Variants in USP19 observed in about 807,000 individuals in gnomAD.
USP19 encodes the protein ubiquitin carboxyl-terminal hydrolase 19.
In USP19, 40 loss-of-function variants were observed where a neutral mutation model predicts 144.8. The ratio of observed to expected loss-of-function variants is 0.28; its 90% confidence interval spans 0.21 to 0.36. USP19 has a LOEUF of 0.36. USP19 is among the 10% of genes least tolerant of loss of function. The pLI, the probability that USP19 is intolerant of heterozygous loss-of-function variation, is 1.00. For missense variants in USP19, 1,518 were observed against 1,822.5 expected, an observed-to-expected ratio of 0.83 and a Z score of 3.04; for synonymous variants, 701 against 709.3, an observed-to-expected ratio of 0.99 and a Z score of 0.19.
Position 49,116,755 on chromosome 3 carries a change from C to T in USP19, c.1098G>A (p.Val366=), listed in dbSNP as rs375999085. 6.2e-7 allele frequency: 1 copy of T among 1,612,532 alleles called. No individual in the cohort carries two copies. Among genetic ancestry groups the T allele is most frequent in the Admixed American group, 1.7e-5 (1 of 59,932 alleles). The change falls in exon 7 of 27, where the codon GTG becomes GTA. Residue 366 remains valine, a synonymous_variant. Coordinates refer to ENST00000417901, the MANE Select transcript of USP19 (RefSeq NM_001199161.2). The surrounding 1 kb of genome is among the most constrained non-coding windows in gnomAD (Gnocchi z 5.0). ...CCACCAAGGTTGCAGCATCTGCTGC[C>T]ACTGCCATCTCCTCCTTGGCACAGT... The part of the protein sequence containing the change: ...KDDCAKEEMA[V]AADAATLVDE...
rs769513065 is a variant in USP19, at chr3:49,114,016, C to G, written c.2481G>C (p.Lys827Asn). The change falls in exon 17 of 27, where the codon AAG becomes AAC. Residue 827 changes from lysine (K) to asparagine (N), a missense_variant. Physicochemically the swap from Lys to Asn is moderately conservative, Grantham distance 94 (BLOSUM62 0). Coordinates refer to ENST00000417901, the MANE Select transcript of USP19 (RefSeq NM_001199161.2). This position sits in a 1 kb window ranked among gnomAD's most constrained non-coding sequence, Gnocchi z 4.5. The stretch of plus-strand genomic sequence containing the variant: ...CCTCCGCCAAACGCAGGTTCTCAGG[C>G]TTCACATGAACACTCTGAGAGAGGG... Reference protein sequence around the residue: ...LDSLSQSVHVKPENLRLAEVI... With the variant: ...LDSLSQSVHVNPENLRLAEVI... 1 of 1,614,228 alleles carries G rather than the reference C, an allele frequency of 6.2e-7. No homozygotes were observed. The highest frequency in any genetic ancestry group is 8.5e-7 in the Non-Finnish European group (1 of 1,180,048).
rs772987990 is a variant in USP19, at chr3:49,111,489, C to T, written c.3217+11G>A. ...CCTCCCCAGCTTCTAGAGCCTTTCACTGGATCTTACCTTCGGGTCGGGACA... is the reference window on the plus strand; with the variant it reads ...CCTCCCCAGCTTCTAGAGCCTTTCATTGGATCTTACCTTCGGGTCGGGACA... On this transcript the variant is annotated intron_variant, in intron 21 of 26. Coordinates refer to ENST00000417901, the MANE Select transcript of USP19 (RefSeq NM_001199161.2). This position sits in a 1 kb window ranked among gnomAD's most constrained non-coding sequence, Gnocchi z 5.9. 1.2e-6 allele frequency: 2 copies of T among 1,611,630 alleles called. No homozygotes were observed. The highest frequency in any genetic ancestry group is 2.2e-5 in the South Asian group (2 of 91,008).
In USP19 at chr3:49,116,478, T is replaced by C. The variant is rs775983486; in HGVS notation, c.1256A>G (p.Gln419Arg). 6.2e-7 allele frequency: 1 copy of C among 1,614,230 alleles called. No individual in the cohort carries two copies. The highest frequency in any genetic ancestry group is 1.1e-5 in the South Asian group (1 of 91,088). ...GGTCTGGAAGATGAGCGTGAAGTCC[T>C]GCTCACGGAAAAGTACTCTTGAGGT... The part of the protein sequence containing the change: ...RDTSRVLFRE[Q>R]DFTLIFQTRD... The change falls in exon 8 of 27, where the codon CAG becomes CGG. Residue 419 changes from glutamine to arginine, a missense_variant. Around this residue, in one of 5 missense-constraint regions of USP19, gnomAD observed 707 missense variants for 728.9 expected, o/e 0.97. Transcript: ENST00000417901. This position sits in a 1 kb window ranked among gnomAD's most constrained non-coding sequence, Gnocchi z 5.0.
At position 49,111,182 on chromosome 3, in the gene USP19, G is replaced by A. The variant is rs897631090; in HGVS notation, c.3329-16C>T. 3 of 1,613,892 alleles carry A rather than the reference G, an allele frequency of 1.9e-6. No homozygotes were observed. The African/African-American group carries it at 4.0e-5, about 22-fold the overall frequency. On this transcript the variant is annotated splice_polypyrimidine_tract_variant and intron_variant, in intron 22 of 26. Transcript: ENST00000417901. This position sits in a 1 kb window ranked among gnomAD's most constrained non-coding sequence, Gnocchi z 5.9. ...GGGGTGTCTCCTGGAGATTCGCAGG[G>A]AGAGAGGTCATGCAGCTGTGGAGAA...
intron 17 of USP19, among the ~76,000 whole-genome samples, chr3:49,113,371 G>A (rs371968241): frequency 8.6e-5 from 13 of 151,678 alleles, no homozygotes; most frequent in East Asian, 3.9e-4. Flanking sequence ...CTGCCTCCCA[G>A]GTTCAAGCGA....
chr3:49,110,415 C>T lies in USP19; in HGVS notation c.3859+29G>A, dbSNP rs748563683. ...AAAGTCTGCACCACCACCCCTACCA[C>T]CTATCCTGCTGGCTGTGTGTGCCCT... is the stretch of plus-strand genomic sequence containing the variant. On this transcript the variant is annotated intron_variant, in intron 25 of 26. Coordinates refer to ENST00000417901, the MANE Select transcript of USP19 (RefSeq NM_001199161.2). This position sits in a 1 kb window ranked among gnomAD's most constrained non-coding sequence, Gnocchi z 6.1. 2 of 1,610,758 alleles carry T rather than the reference C, an allele frequency of 1.2e-6. No individual in the cohort carries two copies. The highest frequency in any genetic ancestry group is 1.1e-5 in the South Asian group (1 of 90,660).
chr3:49,110,679 C>T lies in USP19; in HGVS notation c.3698+32G>A. On this transcript the variant is annotated intron_variant, in intron 24 of 26. Coordinates refer to ENST00000417901, the MANE Select transcript of USP19 (RefSeq NM_001199161.2). The surrounding 1 kb of genome is among the most constrained non-coding windows in gnomAD (Gnocchi z 6.1). ...AGGATGCCCATCCTGGTCCTCACAC[C>T]CCACCCACAGTTACCAAGGTCCACT... 6.2e-7 allele frequency: 1 copy of T among 1,611,868 alleles called. No individual in the cohort carries two copies. Among genetic ancestry groups the T allele is most frequent in the Non-Finnish European group, 8.5e-7 (1 of 1,178,580 alleles).
rs763738376 is a variant in USP19, at chr3:49,114,931, AT to A, written c.2181+27del. ...CCAGGGGCTGGGATGCTCATGAGAC[AT>A]GCCCACCCTCTGTCCCTAACCCTGA... On this transcript the variant is annotated intron_variant, in intron 14 of 26. Transcript: ENST00000417901. The surrounding 1 kb of genome is among the most constrained non-coding windows in gnomAD (Gnocchi z 4.5). 19 of 1,614,020 alleles carry A rather than the reference AT, an allele frequency of 1.2e-5. No homozygotes were observed. Among genetic ancestry groups the A allele is most frequent in the Non-Finnish European group, 1.5e-5 (18 of 1,180,030 alleles).
rs61744082 is a variant in USP19, at chr3:49,116,893, G to A, written c.960C>T (p.Cys320=). Residue 320 remains cysteine (C), a synonymous_variant, in exon 7 of 27, where the codon TGC becomes TGT. Coordinates refer to ENST00000417901, the MANE Select transcript of USP19 (RefSeq NM_001199161.2). The surrounding 1 kb of genome is among the most constrained non-coding windows in gnomAD (Gnocchi z 5.0). Reference sequence around the variant, plus strand: ...CTAAATTCTCCTCTGAGCCCAGGAGGCAGGTTTGGGAGTTCAGCGGTGGTA... The same window carrying A: ...CTAAATTCTCCTCTGAGCCCAGGAGACAGGTTTGGGAGTTCAGCGGTGGTA... ...LCIPPLNSQT[C]LLGSEENLAP... 0.011 allele frequency: 17,077 copies of A among 1,614,058 alleles called. 1,565 individuals are homozygous for A. The African/African-American group carries it at 0.2, about 19-fold the overall frequency.
rs375228970 is a variant in USP19, at chr3:49,116,656, T to C, written c.1127-49A>G. On this transcript the variant is annotated intron_variant, in intron 7 of 26. Transcript: ENST00000417901. The surrounding 1 kb of genome is among the most constrained non-coding windows in gnomAD (Gnocchi z 5.0). ...CCCAACCAGGACAGGTTCCAGCCTA[T>C]TGCTACTCTCTATCCACCTACAAAC... The C allele has an allele frequency of 1.6e-5, 26 of 1,611,994 alleles. No individual in the cohort carries two copies. Among genetic ancestry groups the C allele is most frequent in the Non-Finnish European group, 2.2e-5 (26 of 1,178,740 alleles).
rs896754117 is a variant in USP19 at position 49,109,276 on chromosome 3, T to C, written c.4039-748A>G. 3 of 1,402,422 alleles carry C rather than the reference T, an allele frequency of 2.1e-6. No individual in the cohort carries two copies. The South Asian group carries it at 4.7e-5, about 22-fold the overall frequency. 86.9% of individuals were successfully genotyped at this position (1,402,422 alleles called of 1,614,324 possible). ...TTAGCCATGACAGTCCCACCTGGGG[T>C]GACTGGGGCTAACACCCTGCATTCT... On this transcript the variant is annotated intron_variant, in intron 26 of 26. Coordinates refer to ENST00000417901, the MANE Select transcript of USP19 (RefSeq NM_001199161.2).
rs2043131300 is a variant in USP19, at chr3:49,111,426, G to A, written c.3218-61C>T. The A allele has an allele frequency of 1.2e-6, 2 of 1,613,444 alleles. No individual in the cohort carries two copies. Among genetic ancestry groups the A allele is most frequent in the Non-Finnish European group, 1.7e-6 (2 of 1,179,742 alleles). On this transcript the variant is annotated intron_variant, in intron 21 of 26. Coordinates refer to ENST00000417901, the MANE Select transcript of USP19 (RefSeq NM_001199161.2). The surrounding 1 kb of genome is among the most constrained non-coding windows in gnomAD (Gnocchi z 5.9). ...CATCAGGGCCTCACCAGGCCCACCAGGCCCTAAACAACAGCCCCCTCCATC... is the reference window on the plus strand; with the variant it reads ...CATCAGGGCCTCACCAGGCCCACCAAGCCCTAAACAACAGCCCCCTCCATC...
rs6780307 is a variant in USP19, at chr3:49,110,040, T to G, written c.4038+144A>C. On this transcript the variant is annotated intron_variant, in intron 26 of 26. Coordinates refer to ENST00000417901, the MANE Select transcript of USP19 (RefSeq NM_001199161.2). The surrounding 1 kb of genome is among the most constrained non-coding windows in gnomAD (Gnocchi z 6.1). ...CATGGGGATGCCTCTGGCTAAAGCT[T>G]TGATGTTAAGAGAACTCTGCAATTC... 1.0e-6 allele frequency: 1 copy of G among 996,946 alleles called. No homozygotes were observed. The highest frequency in any genetic ancestry group is 2.7e-5 in the South Asian group (1 of 37,500). 61.8% of individuals were successfully genotyped at this position (996,946 alleles called of 1,614,324 possible).
Position 49,117,885 on chromosome 3 carries a change from G to A in USP19, c.299-55C>T. ...CAGCCTAATGAAACTGCTTCAGATGGGAGCCAAATTGCAAGTGCCCCCTCC... is the reference window on the plus strand; with the variant it reads ...CAGCCTAATGAAACTGCTTCAGATGAGAGCCAAATTGCAAGTGCCCCCTCC... On this transcript the variant is annotated intron_variant, in intron 3 of 26. Transcript: ENST00000417901. The surrounding 1 kb of genome is among the most constrained non-coding windows in gnomAD (Gnocchi z 4.4). The A allele has an allele frequency of 6.2e-7, 1 of 1,613,000 alleles. No individual in the cohort carries two copies. Among genetic ancestry groups the A allele is most frequent in the Non-Finnish European group, 8.5e-7 (1 of 1,179,716 alleles).
In USP19 at chr3:49,116,934, C is replaced by T; in HGVS notation, c.919G>A (p.Asp307Asn). Residue 307 changes from aspartate to asparagine, a missense_variant, in exon 7 of 27, where the codon GAT (aspartate) becomes AAT (asparagine). Asp to Asn is a conservative substitution (Grantham distance 23). Around this residue, in one of 5 missense-constraint regions of USP19, gnomAD observed 707 missense variants for 728.9 expected, o/e 0.97. Coordinates refer to ENST00000417901, the MANE Select transcript of USP19 (RefSeq NM_001199161.2). This position sits in a 1 kb window ranked among gnomAD's most constrained non-coding sequence, Gnocchi z 5.0. ...VADPATQVEA[D>N]EQLCIPPLNS... ...AGCGGTGGTATGCAAAGCTGTTCAT[C>T]AGCCTCAACCTATTAATGGCAAGAT... 6.2e-7 allele frequency: 1 copy of T among 1,613,532 alleles called. No individual in the cohort carries two copies. Among genetic ancestry groups the T allele is most frequent in the South Asian group, 1.1e-5 (1 of 91,046 alleles).
rs2044133032 is a variant in USP19 at position 49,116,393 on chromosome 3, A to G, written c.1284-42T>C. 1 of 1,614,062 alleles carries G rather than the reference A, an allele frequency of 6.2e-7. No individual in the cohort carries two copies. Among genetic ancestry groups the G allele is most frequent in the Admixed American group, 1.7e-5 (1 of 60,028 alleles). On this transcript the variant is annotated intron_variant, in intron 8 of 26. Coordinates refer to ENST00000417901, the MANE Select transcript of USP19 (RefSeq NM_001199161.2). This position sits in a 1 kb window ranked among gnomAD's most constrained non-coding sequence, Gnocchi z 5.0. ...GGATAGGAGGAAGGACAAGAGGAAG[A>G]GCATGAGACATACTGTCCCACCTGA...
rs770456455 is a variant in USP19 at position 49,110,757 on chromosome 3, A to G, written c.3652T>C (p.Phe1218Leu). Residue 1218 changes from phenylalanine (F) to leucine (L), a missense_variant, in exon 24 of 27, where the codon TTT (phenylalanine) becomes CTT (leucine). Around this residue, in one of 5 missense-constraint regions of USP19, gnomAD observed 122 missense variants for 200.4 expected, o/e 0.61. Coordinates refer to ENST00000417901, the MANE Select transcript of USP19 (RefSeq NM_001199161.2). The surrounding 1 kb of genome is among the most constrained non-coding windows in gnomAD (Gnocchi z 6.1). ...VQLKRFSFRS[F>L]IWRDKINDLV... Reference sequence around the variant, plus strand: ...TCATTGATCTTGTCACGCCAGATAAAACTACGAAAGGAGAAGCGCTTGAGC... The same window carrying G: ...TCATTGATCTTGTCACGCCAGATAAGACTACGAAAGGAGAAGCGCTTGAGC... 6.2e-7 allele frequency: 1 copy of G among 1,614,126 alleles called. No homozygotes were observed. The highest frequency in any genetic ancestry group is 1.7e-5 in the Admixed American group (1 of 60,012).
chr3:49,112,602 A>T lies in USP19; in HGVS notation c.2533T>A (p.Phe845Ile), dbSNP rs766088850. 3 of 1,613,772 alleles carry T rather than the reference A, an allele frequency of 1.9e-6. No homozygotes were observed. Among genetic ancestry groups the T allele is most frequent in the Non-Finnish European group, 2.5e-6 (3 of 1,179,764 alleles). Residue 845 changes from phenylalanine (F) to isoleucine (I), a missense_variant, in exon 18 of 27, where the codon TTC (phenylalanine) becomes ATC (isoleucine). Coordinates refer to ENST00000417901, the MANE Select transcript of USP19 (RefSeq NM_001199161.2). This position sits in a 1 kb window ranked among gnomAD's most constrained non-coding sequence, Gnocchi z 4.9. ...EVIKNRFHRV[F>I]LPSHSLDTVS... ...GTGTCCAGTGAGTGGGAGGGTAGGA[A>T]CACACGATGAAAACGATTCTTAATT...
intron 26 of USP19, chr3:49,109,278 A>T: frequency 7.2e-7 from 1 of 1,392,444 alleles, no homozygotes; most frequent in Non-Finnish European, 9.5e-7. Flanking sequence ...ACCTGGGGTG[A>T]CTGGGGCTAA....
Sources: allele counts gnomAD v4.1 joint callset (sites outside exome capture counted in the v4.1 genomes callset), GRCh38; gene constraint gnomAD v4.1.1; regional missense constraint gnomAD v4.1.1; non-coding constraint Gnocchi (gnomAD v3.1); transcripts MANE v1.5; gene names NCBI Gene and HGNC (gene_info 2026-07-23, HGNC 2026-07-21).